Variants in SNRPN observed in about 807,000 individuals in gnomAD.
The protein encoded by SNRPN is small nuclear ribonucleoprotein-associated protein N.
A neutral mutation model predicts 25.2 loss-of-function variants in SNRPN; 7 were observed. The observed-to-expected ratio is 0.28, with a 90% CI of 0.16 to 0.52. The LOEUF is 0.52. Ranked by LOEUF, SNRPN falls within the 20% of genes least tolerant of loss-of-function variation. The probability of loss-of-function intolerance (pLI) is 0.96; values close to 1 mark genes in which losing one functional copy is unlikely to be tolerated. For synonymous variants in SNRPN, 124 were observed against 110.6 expected, an observed-to-expected ratio of 1.12 and a Z score of -0.76; for missense variants, 196 against 322.5, an observed-to-expected ratio of 0.61 and a Z score of 3.00.
rs1356119187 is a variant in SNRPN at position 24,836,520 on chromosome 15, T to G, written c.-579+6615T>G. ...TCTGCGTCCCGTTTTCAAGCGATTC[T>G]CCTGCCTCAGTCTCCCGAGTAGCTG... On this transcript the variant is annotated intron_variant, in intron 2 of 12. Coordinates refer to the SNRPN transcript ENST00000400100. Among the ~76,000 whole-genome samples the G allele has an allele frequency of 2.0e-5, 3 of 151,910 alleles. No individual in the cohort carries two copies. In the East Asian group the frequency reaches 5.8e-4, roughly 29 times the overall value.
At position 24,975,429 on chromosome 15, in the gene SNRPN, A is replaced by G. The variant is rs567291118; in HGVS notation, c.75A>G (p.Arg25=). Residue 25 remains arginine, a synonymous_variant, in exon 5 of 10, where the codon CGA becomes CGG. Transcript: ENST00000390687. ...TGAGATGTATCCTGCAAGATGGCCG[A>G]ATCTTCATTGGCACCTTTAAGGCTT... ...YRMRCILQDG[R]IFIGTFKAFD... 6.2e-7 allele frequency: 1 copy of G among 1,613,444 alleles called. No individual in the cohort carries two copies. Among genetic ancestry groups the G allele is most frequent in the South Asian group, 1.1e-5 (1 of 91,068 alleles).
intron 2 of SNRPN, among the ~76,000 whole-genome samples, chr15:24,835,890 C>T (rs953886454): frequency 5.9e-5 from 9 of 151,822 alleles, no homozygotes; most frequent in Admixed American, 4.6e-4. Context: ...GTCTCGAACT[C>T]CTAGGCTCAA....
At chr15:24,930,592 A>C (rs1418968333) in intron 3 of SNRPN, among the ~76,000 whole-genome samples, 1 of 132,830 alleles carries the variant, frequency 7.5e-6, no homozygotes, top group East Asian at 2.0e-4. Flanking sequence ...CAAAAATACA[A>C]AAAAAAAAAA....
chr15:24,925,458 T>C (rs773305549), intron 3 of SNRPN, among the ~76,000 whole-genome samples: 25 of 151,388 alleles, frequency 1.7e-4, no homozygotes, highest in Non-Finnish European at 3.5e-4. Flanking sequence ...AAAAGAAAAA[T>C]GTATGATTGC....
chr15:24,928,029 G>T (rs568318044), intron 3 of SNRPN, among the ~76,000 whole-genome samples: 1 of 152,086 alleles, frequency 6.6e-6, no homozygotes, highest in Non-Finnish European at 1.5e-5. Flanking sequence ...ACCACAATGA[G>T]ATATCATCTC....
At chr15:24,863,119 T>C (rs1481606366) in intron 1 of SNRPN, among the ~76,000 whole-genome samples, 1 of 150,594 alleles carries the variant, frequency 6.6e-6, no homozygotes, top group East Asian at 2.0e-4. Flanking sequence ...ATAGTCCTTG[T>C]TTGATGGGAA....
In SNRPN at chr15:24,968,143, G is replaced by T; in HGVS notation, c.-144+61G>T. ...ATCATTAAAGAATGGGGTGTTGGGG[G>T]TTCTCTTAATTATCAGTGACACATT... On this transcript the variant is annotated intron_variant, in intron 3 of 9. Transcript: ENST00000390687. 8 of 981,578 alleles carry T rather than the reference G, an allele frequency of 8.2e-6. No individual in the cohort carries two copies. In the South Asian group the frequency reaches 1.1e-4, roughly 13 times the overall value. The allele number at this position is 981,578 out of a possible 1,614,324, so 60.8% of individuals were successfully genotyped here. A position where few individuals can be genotyped will look rare whatever the true frequency, so the allele number is the denominator to read the frequency against.
In SNRPN at chr15:24,880,903, C is replaced by T. The variant is rs185981203; in HGVS notation, c.-578-5613C>T. Among the ~76,000 whole-genome samples, 224 of 152,188 alleles carry T rather than the reference C, an allele frequency of 1.5e-3. No homozygotes were observed. The Middle Eastern group carries it at 0.024, about 16-fold the overall frequency. On this transcript the variant is annotated intron_variant, in intron 1 of 11. Coordinates refer to the SNRPN transcript ENST00000400097. Reference sequence around the variant, plus strand: ...CATTGCCCAGGCTGGTCTCGAACTTCTGGGCTCAAGTGATCCTCCCGCCTT... The same window carrying T: ...CATTGCCCAGGCTGGTCTCGAACTTTTGGGCTCAAGTGATCCTCCCGCCTT...
intron 2 of SNRPN, among the ~76,000 whole-genome samples, chr15:24,846,171 A>G (rs2052178717): frequency 6.6e-6 from 1 of 152,082 alleles, no homozygotes; most frequent in African/African-American, 2.4e-5. Flanking sequence ...TTTTTTGAAT[A>G]TCAATCTGAT....
chr15:24,965,280 G>A (rs1220648086), intron 2 of SNRPN, among the ~76,000 whole-genome samples: 2 of 152,184 alleles, frequency 1.3e-5, no homozygotes, highest in African/African-American at 2.4e-5. Flanking sequence ...GCTCACGCCT[G>A]TAATCCCAGC....
At chr15:24,827,999 C>T (rs867784678) in intron 1 of SNRPN, among the ~76,000 whole-genome samples, 8 of 152,120 alleles carry the variant, frequency 5.3e-5, no homozygotes, top group Admixed American at 1.3e-4. Context: ...TTGACCAAAA[C>T]GGCCCTTATG....
chr15:24,837,724 C>CAA (rs1210882056), intron 2 of SNRPN, among the ~76,000 whole-genome samples: 4 of 149,148 alleles, frequency 2.7e-5, no homozygotes, highest in Non-Finnish European at 4.5e-5. Context: ...TGCAATAACT[C>CAA]TTTAAATTTT....
intron 1 of SNRPN, among the ~76,000 whole-genome samples, chr15:24,959,104 G>A (rs1301112614): frequency 2.0e-5 from 3 of 152,164 alleles, no homozygotes; most frequent in African/African-American, 4.8e-5. Flanking sequence ...ATTGCTTTTT[G>A]CTTTTCAATA....
intron 2 of SNRPN, among the ~76,000 whole-genome samples, chr15:24,917,670 G>C (rs761731283): frequency 6.6e-6 from 1 of 152,270 alleles, no homozygotes; most frequent in Non-Finnish European, 1.5e-5. Context: ...GGTCTGCGCT[G>C]CAGTGCGCAG....
chr15:24,928,936 A>T (rs1207916416), intron 3 of SNRPN, among the ~76,000 whole-genome samples: 1 of 152,062 alleles, frequency 6.6e-6, no homozygotes, highest in Non-Finnish European at 1.5e-5. Context: ...CCCCATTTAG[A>T]TACATGACCT....
exon 3 of SNRPN, chr15:24,920,053 C>T (rs2059941818): frequency 6.6e-6 from 1 of 152,166 alleles, no homozygotes; most frequent in South Asian, 2.1e-4. Flanking sequence ...CCTGAACATA[C>T]TCTTCCACCA....
At chr15:24,895,805 C>T (rs1161909804) in intron 2 of SNRPN, among the ~76,000 whole-genome samples, 1 of 152,134 alleles carries the variant, frequency 6.6e-6, no homozygotes, top group Non-Finnish European at 1.5e-5. Context: ...TCCTGAATAT[C>T]CTTTGCTCCA....
chr15:24,927,513 T>TTTTTTTTTTTTTTTTTG (rs2060494859), intron 3 of SNRPN, among the ~76,000 whole-genome samples: 1 of 111,614 alleles, frequency 9.0e-6, no homozygotes, highest in Non-Finnish European at 1.9e-5. Flanking sequence ...TTTTTTTTTT[T>TTTTTTTTTTTTTTTTTG]TTTTTACTTT....
At chr15:24,863,481 C>T (rs2054211452) in intron 1 of SNRPN, among the ~76,000 whole-genome samples, 1 of 150,276 alleles carries the variant, frequency 6.7e-6, no homozygotes. Flanking sequence ...GTCTGCGTGT[C>T]CTCTCGGTGT....
Sources: allele counts gnomAD v4.1 joint callset (sites outside exome capture counted in the v4.1 genomes callset), GRCh38; gene constraint gnomAD v4.1.1; transcripts MANE v1.5; gene names NCBI Gene and HGNC (gene_info 2026-07-23, HGNC 2026-07-21).